The following PDS5B variants were observed in gnomAD, a reference collection of about 807,000 sequenced individuals.
PDS5B encodes sister chromatid cohesion protein PDS5 homolog B.
PDS5B carries 51 observed loss-of-function variants against 184.1 expected under a neutral mutation model. The ratio of observed to expected loss-of-function variants is 0.28; its 90% confidence interval spans 0.22 to 0.35. The LOEUF (loss-of-function observed/expected upper bound fraction) is 0.35. Ranked by LOEUF, PDS5B falls within the 10% of genes least tolerant of loss-of-function variation. PDS5B has a pLI of 1.00. For missense variants in PDS5B, 1,180 were observed against 1,723.3 expected, an observed-to-expected ratio of 0.68 and a Z score of 5.58; for synonymous variants, 566 against 569.2, an observed-to-expected ratio of 0.99 and a Z score of 0.08.
chr13:32,602,881 A>G (rs935385378), intron 1 of PDS5B, among the ~76,000 whole-genome samples: 1 of 152,238 alleles, frequency 6.6e-6, no homozygotes, highest in African/African-American at 2.4e-5. Context: ...TGTTGACTGC[A>G]TAAATGTCTT....
At chr13:32,642,121 A>G (rs941267135) in intron 1 of PDS5B, among the ~76,000 whole-genome samples, 1 of 152,212 alleles carries the variant, frequency 6.6e-6, no homozygotes, top group East Asian at 1.9e-4. Flanking sequence ...GTCATTGCCT[A>G]CAGTCAGTTC....
At chr13:32,604,656 TC>T (rs2058031956) in intron 1 of PDS5B, among the ~76,000 whole-genome samples, 1 of 152,244 alleles carries the variant, frequency 6.6e-6, no homozygotes, top group Non-Finnish European at 1.5e-5. Flanking sequence ...TGGTACCAGC[TC>T]CTCTTTGTAC....
intron 22 of PDS5B, 95 bp from the exon 23 acceptor site, chr13:32,742,496 C>T (rs1299514377): frequency 5.3e-6 from 5 of 951,090 alleles, no homozygotes; most frequent in East Asian, 5.4e-5. Flanking sequence ...TCTTAAAAAG[C>T]ATCCATTAAA....
intron 31 of PDS5B, among the ~76,000 whole-genome samples, chr13:32,767,360 G>A (rs1566428261): frequency 6.6e-6 from 1 of 152,114 alleles, no homozygotes; most frequent in Non-Finnish European, 1.5e-5. Context: ...AACAAAACAA[G>A]CAACCTGCTG....
chr13:32,719,792 C>CCT (rs1555309612), intron 19 of PDS5B, among the ~76,000 whole-genome samples: 20 of 143,044 alleles, frequency 1.4e-4, no homozygotes, highest in Middle Eastern at 3.5e-3. Flanking sequence ...ACCCCCCCCC[C>CCT]TTTTTTTTTT....
intron 1 of PDS5B, among the ~76,000 whole-genome samples, chr13:32,608,644 A>G (rs574184979): frequency 1.3e-5 from 2 of 152,308 alleles, no homozygotes; most frequent in Non-Finnish European, 2.9e-5. Flanking sequence ...GAGCTGACCC[A>G]TAAGCTCAAA....
chr13:32,638,904 G>T (rs2058610852), intron 1 of PDS5B, among the ~76,000 whole-genome samples: 1 of 151,502 alleles, frequency 6.6e-6, no homozygotes, highest in Non-Finnish European at 1.5e-5. Context: ...GAGGCTGAGG[G>T]TTTCCGTTTG....
At chr13:32,626,859 A>T (rs926477901) in intron 1 of PDS5B, among the ~76,000 whole-genome samples, 1 of 152,238 alleles carries the variant, frequency 6.6e-6, no homozygotes, top group African/African-American at 2.4e-5. Context: ...ATGTTCAATC[A>T]AATAAAAACA....
intron 1 of PDS5B, among the ~76,000 whole-genome samples, chr13:32,639,893 GTGAC>G (rs1293683561): frequency 6.6e-6 from 1 of 152,222 alleles, no homozygotes; most frequent in African/African-American, 2.4e-5. Context: ...TTTGATTTCT[GTGAC>G]TGTGAATTTT....
At chr13:32,709,892 T>G (rs1952150014) in intron 18 of PDS5B, 54 bp from the exon 19 acceptor site, 1 of 1,089,440 alleles carries the variant, frequency 9.2e-7, no homozygotes, top group Non-Finnish European at 1.2e-6. Flanking sequence ...ATTTTGGATT[T>G]GTATTATAAA....
chr13:32,631,114 CTTTCTTTT>C (rs1282713391), intron 1 of PDS5B, among the ~76,000 whole-genome samples: 46 of 123,742 alleles, frequency 3.7e-4, no homozygotes, highest in African/African-American at 7.2e-4. Context: ...TTCTTTTTTT[CTTTCTTTT>C]TTTTTTTTTT....
intron 3 of PDS5B, among the ~76,000 whole-genome samples, chr13:32,655,796 C>T (rs1252703429): frequency 6.6e-6 from 1 of 152,024 alleles, no homozygotes; most frequent in African/African-American, 2.4e-5. Context: ...TGTCTCTTAA[C>T]TCTATTTTGC....
In PDS5B at chr13:32,640,989, G is replaced by A. The variant is rs9568090; in HGVS notation, c.-19-7765G>A. Among the ~76,000 whole-genome samples the A allele has an allele frequency of 4.6e-5, 7 of 151,224 alleles. No homozygotes were observed. In the East Asian group the frequency reaches 1.2e-3, roughly 25 times the overall value. ...GGAGAATGGCGTGAACCCGGGAGGC[G>A]GAGCTTGCAGTGAGCCGAGATCACG... On this transcript the variant is annotated intron_variant, in intron 1 of 34. Coordinates refer to ENST00000315596, the MANE Select transcript of PDS5B (RefSeq NM_015032.4).
At chr13:32,700,699 A>C (rs886336826) in intron 16 of PDS5B, among the ~76,000 whole-genome samples, 1 of 152,100 alleles carries the variant, frequency 6.6e-6, no homozygotes, top group Non-Finnish European at 1.5e-5. Context: ...TGTTCTTTAC[A>C]TACCATAGTT....
intron 1 of PDS5B, among the ~76,000 whole-genome samples, chr13:32,641,679 A>G (rs1008269764): frequency 5.9e-5 from 9 of 152,092 alleles, no homozygotes; most frequent in Admixed American, 2.6e-4. Flanking sequence ...CACCACCCCA[A>G]TCACTATAGG....
rs75396649 is a variant in PDS5B at position 32,773,371 on chromosome 13, T to G, written c.4308+47T>G. ...GAGTGGTGTGGGATATAAAAAGAGT[T>G]AGTAAATGTTTGGTTAGATCATTTA... is the stretch of plus-strand genomic sequence containing the variant. On this transcript the variant is annotated intron_variant, in intron 34 of 34. Coordinates refer to ENST00000315596, the MANE Select transcript of PDS5B (RefSeq NM_015032.4). The G allele has an allele frequency of 9.8e-5, 149 of 1,521,198 alleles. No homozygotes were observed. In the African/African-American group the frequency reaches 2.0e-3, roughly 20 times the overall value. 94.2% of individuals were successfully genotyped at this position (1,521,198 alleles called of 1,614,324 possible).
At chr13:32,711,428 G>A (rs1443098921) in intron 19 of PDS5B, among the ~76,000 whole-genome samples, 1 of 151,912 alleles carries the variant, frequency 6.6e-6, no homozygotes, top group East Asian at 1.9e-4. Context: ...CGCAATCTTG[G>A]CTCATTGCAG....
At chr13:32,677,475 A>G (rs1593403863) in intron 9 of PDS5B, among the ~76,000 whole-genome samples, 3 of 152,196 alleles carry the variant, frequency 2.0e-5, no homozygotes, top group Admixed American at 2.0e-4. Flanking sequence ...ACAGTATTAA[A>G]TAATACCAAC....
chr13:32,736,040 A>C (rs1009791744), intron 21 of PDS5B, among the ~76,000 whole-genome samples: 1 of 152,138 alleles, frequency 6.6e-6, no homozygotes, highest in African/African-American at 2.4e-5. Context: ...AAATTACAAC[A>C]TGGACTTTGG....
Sources: allele counts gnomAD v4.1 joint callset (sites outside exome capture counted in the v4.1 genomes callset), GRCh38; gene constraint gnomAD v4.1.1; transcripts MANE v1.5; gene names NCBI Gene and HGNC (gene_info 2026-07-23, HGNC 2026-07-21).